The following MALRD1 variants were observed in gnomAD, a reference collection of about 807,000 sequenced individuals.
MALRD1 encodes MAM and LDL-receptor class A domain-containing protein 1.
A neutral mutation model predicts 242.1 loss-of-function variants in MALRD1; 247 were observed. That is an observed-to-expected ratio of 1.02 (90% confidence interval 0.92 to 1.13). MALRD1 has a LOEUF of 1.13. Ranked by LOEUF, MALRD1 falls within the 50% of genes most tolerant of loss-of-function variation. MALRD1 has a pLI of 0.00. For missense variants in MALRD1, 2,989 were observed against 2,533.1 expected (o/e 1.18, Z -3.86); for synonymous variants, 995 against 866.6 (o/e 1.15, Z -2.60).
intron 36 of MALRD1, among the ~76,000 whole-genome samples, chr10:19,639,527 A>G (rs1431370452): frequency 1.3e-5 from 2 of 152,226 alleles, no homozygotes; most frequent in African/African-American, 4.8e-5. Flanking sequence ...CACTCTGCAC[A>G]GTATCCCTGA....
At chr10:19,730,150 G>A (rs1835229576) in intron 38 of MALRD1, among the ~76,000 whole-genome samples, 1 of 152,156 alleles carries the variant, frequency 6.6e-6, no homozygotes, top group African/African-American at 2.4e-5. Context: ...CCAAGGGCTT[G>A]CTGTTTTTGA....
chr10:19,589,108 A>T (rs1387970545), intron 33 of MALRD1, among the ~76,000 whole-genome samples: 2 of 152,196 alleles, frequency 1.3e-5, no homozygotes, highest in Non-Finnish European at 2.9e-5. Flanking sequence ...TAAAAAATTA[A>T]AAGTCTAAGA....
At chr10:19,452,276 C>T (rs989077486) in intron 29 of MALRD1, among the ~76,000 whole-genome samples, 7 of 152,160 alleles carry the variant, frequency 4.6e-5, no homozygotes, top group African/African-American at 1.7e-4. Flanking sequence ...TTGCTAGTCT[C>T]ATGTAGAAGT....
At chr10:19,722,298 T>G (rs899273188) in intron 38 of MALRD1, 1 of 151,980 alleles carries the variant, frequency 6.6e-6, no homozygotes, top group Non-Finnish European at 1.5e-5. Flanking sequence ...TTTTTTTAAA[T>G]CAAAAGTAAT....
chr10:19,047,496 A>G (rs1410295786), upstream of MALRD1, among the ~76,000 whole-genome samples: 1 of 152,080 alleles, frequency 6.6e-6, no homozygotes, highest in Non-Finnish European at 1.5e-5. Context: ...CCTAGAAAAA[A>G]TTTATTAATA....
chr10:19,449,079 G>A (rs1327806675), intron 28 of MALRD1, among the ~76,000 whole-genome samples: 1 of 152,158 alleles, frequency 6.6e-6, no homozygotes, highest in Non-Finnish European at 1.5e-5. Context: ...CAAGGCCTCA[G>A]TAAATTGTTC....
At chr10:19,576,161 A>C (rs1236288092) in intron 33 of MALRD1, among the ~76,000 whole-genome samples, 1 of 152,218 alleles carries the variant, frequency 6.6e-6, no homozygotes, top group Non-Finnish European at 1.5e-5. Flanking sequence ...GGCTAATACC[A>C]CTGCCTTCAA....
At chr10:19,363,942 T>C (rs1845004798) in intron 26 of MALRD1, among the ~76,000 whole-genome samples, 1 of 152,064 alleles carries the variant, frequency 6.6e-6, no homozygotes, top group Non-Finnish European at 1.5e-5. Flanking sequence ...TTGCATTGCA[T>C]TGCAGTAAAA....
chr10:19,122,601 G>T (rs1588576557), intron 5 of MALRD1, among the ~76,000 whole-genome samples: 1 of 152,230 alleles, frequency 6.6e-6, no homozygotes, highest in African/African-American at 2.4e-5. Context: ...TGACATGAGA[G>T]TCAAAGCTTG....
intron 5 of MALRD1, among the ~76,000 whole-genome samples, chr10:19,114,803 C>T (rs1836813265): frequency 6.6e-6 from 1 of 152,158 alleles, no homozygotes. Flanking sequence ...TGAGGCCAGA[C>T]ATCCAAGTTC....
chr10:19,387,542 G>T lies in MALRD1; in HGVS notation c.4456G>T (p.Gly1486Cys). ...VPLPTGFCPL[G>C]YRECHNGKCY... ...TTTTGTTTTAGGTTTCTGCCCACTT[G>T]GCTATAGGGAATGTCATAATGGAAA... Residue 1486 changes from glycine to cysteine, a missense_variant, in exon 27 of 40, where the codon GGC (glycine) becomes TGC (cysteine). Transcript: ENST00000454679. 6.5e-7 allele frequency: 1 copy of T among 1,550,124 alleles called. No individual in the cohort carries two copies. The highest frequency in any genetic ancestry group is 1.2e-5 in the South Asian group (1 of 84,020).
chr10:19,421,211 G>A (rs192245407), intron 28 of MALRD1, among the ~76,000 whole-genome samples: 1 of 152,264 alleles, frequency 6.6e-6, no homozygotes, highest in East Asian at 1.9e-4. Context: ...CTGTTTGTGT[G>A]TGTATGTGTA....
chr10:19,368,427 T>C (rs1173606200), intron 26 of MALRD1, among the ~76,000 whole-genome samples: 1 of 152,136 alleles, frequency 6.6e-6, no homozygotes, highest in Non-Finnish European at 1.5e-5. Flanking sequence ...CAATTGACTG[T>C]AGAATTGTGG....
rs114173763 is a variant in MALRD1, at chr10:19,730,742, T to C, written c.6351T>C (p.Asn2117=). 4.9e-5 allele frequency: 76 copies of C among 1,536,672 alleles called. No homozygotes were observed. The African/African-American group carries it at 1.0e-3, about 20-fold the overall frequency. ...GAAGTGGTAACTGTGCCTTTGTCAATCCAGTTTACGGGAACTGGAGCAACC... is the reference window on the plus strand; with the variant it reads ...GAAGTGGTAACTGTGCCTTTGTCAACCCAGTTTACGGGAACTGGAGCAACC... ...TEGSGNCAFV[N]PVYGNWSNPE... The change falls in exon 39 of 40, where the codon AAT becomes AAC. Residue 2117 remains asparagine (N), a synonymous_variant. Coordinates refer to ENST00000454679, the MANE Select transcript of MALRD1 (RefSeq NM_001142308.3).
At chr10:19,469,392 G>C (rs10764026) in intron 29 of MALRD1, among the ~76,000 whole-genome samples, 123,763 of 151,968 alleles carry the variant, frequency 0.81, 50,579 homozygotes, top group East Asian at 1. Context: ...TGATTGTATT[G>C]CTAAATAATG....
intron 12 of MALRD1, among the ~76,000 whole-genome samples, chr10:19,161,423 C>T (rs1041043079): frequency 3.8e-5 from 5 of 129,876 alleles, no homozygotes; most frequent in African/African-American, 1.4e-4. Context: ...GTAGTGGGTG[C>T]AGCGCACCAG....
chr10:19,490,137 G>A (rs1837416959), intron 29 of MALRD1, among the ~76,000 whole-genome samples: 1 of 152,120 alleles, frequency 6.6e-6, no homozygotes, highest in Admixed American at 6.5e-5. Flanking sequence ...TTTGGTACAT[G>A]TCTTAGGAAT....
At chr10:19,724,143 G>GT (rs1440732384) in intron 38 of MALRD1, among the ~76,000 whole-genome samples, 1 of 152,016 alleles carries the variant, frequency 6.6e-6, no homozygotes, top group African/African-American at 2.4e-5. Flanking sequence ...ATGAACTATT[G>GT]TAACAGTGTT....
intron 32 of MALRD1, among the ~76,000 whole-genome samples, chr10:19,540,435 A>T (rs1318762746): frequency 6.6e-6 from 1 of 152,184 alleles, no homozygotes; most frequent in East Asian, 1.9e-4. Flanking sequence ...GATTCTCACA[A>T]CCCATAATAA....
Sources: allele counts gnomAD v4.1 joint callset (sites outside exome capture counted in the v4.1 genomes callset), GRCh38; gene constraint gnomAD v4.1.1; transcripts MANE v1.5; gene names NCBI Gene and HGNC (gene_info 2026-07-23, HGNC 2026-07-21).